CLPX: variants seen among roughly 807,000 people sequenced by gnomAD.
The protein encoded by CLPX is caseinolytic mitochondrial matrix peptidase chaperone subunit X.
Under a neutral mutation model 76.4 loss-of-function variants are expected in CLPX, and 34 were observed. The ratio of observed to expected loss-of-function variants is 0.45; its 90% CI spans 0.34 to 0.59. The LOEUF is 0.59. CLPX is among the 20% of genes least tolerant of loss of function. CLPX has a pLI of 0.01. For missense variants in CLPX, 613 were observed against 757.0 expected (o/e 0.81, Z 2.23); for synonymous variants, 248 against 270.9 (o/e 0.92, Z 0.83).
intron 3 of CLPX, among the ~76,000 whole-genome samples, chr15:65,176,077 C>T (rs750220744): frequency 1.6e-4 from 25 of 152,194 alleles, no homozygotes; most frequent in Non-Finnish European, 2.9e-4. Context: ...TCACCACCCA[C>T]AATTAGAATT....
chr15:65,181,017 G>A lies in CLPX; in HGVS notation c.80-813C>T, dbSNP rs146261842. 5.7e-3 allele frequency among the ~76,000 whole-genome samples: 869 copies of A among 151,896 alleles called. 5 individuals carry two copies. Among genetic ancestry groups the A allele is most frequent in the Middle Eastern group, 0.014 (4 of 294 alleles). ...GGTTCGAGACCAGCCTGGCCAACGT[G>A]GTGAAACCCTGTCTCTACTAAAAAT... On this transcript the variant is annotated intron_variant, in intron 1 of 13. Coordinates refer to ENST00000300107, the MANE Select transcript of CLPX (RefSeq NM_006660.5).
chr15:65,152,810 T>C (rs2087739949), intron 12 of CLPX, among the ~76,000 whole-genome samples: 1 of 151,828 alleles, frequency 6.6e-6, no homozygotes, highest in African/African-American at 2.4e-5. Context: ...TTGTCCAGGC[T>C]GGTCTTGAAC....
rs2088145127 is a variant in CLPX, at chr15:65,180,129, G to A, written c.155C>T (p.Ala52Val). The change falls in exon 2 of 14, where the codon GCT (alanine) becomes GTT (valine). Residue 52 changes from alanine (A) to valine (V), a missense_variant. Around this residue, in one of 2 missense-constraint regions of CLPX, gnomAD observed 163 missense variants for 118.4 expected, o/e 1.38. Coordinates refer to ENST00000300107, the MANE Select transcript of CLPX (RefSeq NM_006660.5). ...GTFETQILQRAPLRSFTETPA... is the reference protein window; with the variant it reads ...GTFETQILQRVPLRSFTETPA... ...TGTTTCTGTAAAGGATCTAAGAGGA[G>A]CTCTTTGCAGAATCTGAGTTTCAAA... 1 of 1,611,944 alleles carries A rather than the reference G, an allele frequency of 6.2e-7. No individual in the cohort carries two copies. The highest frequency in any genetic ancestry group is 8.5e-7 in the Non-Finnish European group (1 of 1,178,564).
At chr15:65,181,953 C>T (rs907308922) in intron 1 of CLPX, among the ~76,000 whole-genome samples, 1 of 151,232 alleles carries the variant, frequency 6.6e-6, no homozygotes, top group African/African-American at 2.4e-5. Flanking sequence ...GCAACCCCAT[C>T]TCTACTAAAA....
Position 65,185,099 on chromosome 15 carries a change from A to T in CLPX, c.55T>A (p.Ser19Thr). The T allele has an allele frequency of 6.4e-7, 1 of 1,573,990 alleles. No individual in the cohort carries two copies. The highest frequency in any genetic ancestry group is 1.2e-5 in the South Asian group (1 of 86,232). ...CCTCTCTGCGCGGAGGCGAGTGAGG[A>T]GGTGATGAGCCGGACGGCCGCCGCG... Reference protein sequence around the residue: ...CGAAAVRLITSSLASAQRGIS... With the variant: ...CGAAAVRLITTSLASAQRGIS... Residue 19 changes from serine to threonine, a missense_variant, in exon 1 of 14, where the codon TCC (serine) becomes ACC (threonine). Ser to Thr is a moderately conservative substitution (Grantham distance 58). Coordinates refer to ENST00000300107, the MANE Select transcript of CLPX (RefSeq NM_006660.5).
At position 65,164,020 on chromosome 15, in the gene CLPX, A is replaced by G. The variant is rs2087881148; in HGVS notation, c.673+9T>C. On this transcript the variant is annotated intron_variant, in intron 5 of 13. Transcript: ENST00000300107. ...AATCTCTATTTAGGTCAATTATCAA[A>G]AACGCTACCTCTTGGTGTTAATGAT... 1 of 1,611,506 alleles carries G rather than the reference A, an allele frequency of 6.2e-7. No homozygotes were observed. The highest frequency in any genetic ancestry group is 8.5e-7 in the Non-Finnish European group (1 of 1,178,738).
chr15:65,149,658 C>A lies in CLPX; in HGVS notation c.*1165G>T. Reference sequence around the variant, plus strand: ...CAGCAGATCACAAGGTCAGGAGTTACAGACTAGCCTGGCCAACAGGGTGAA... The same window carrying A: ...CAGCAGATCACAAGGTCAGGAGTTAAAGACTAGCCTGGCCAACAGGGTGAA... On this transcript the variant is annotated 3_prime_UTR_variant, in exon 14 of 14. Transcript: ENST00000300107. 2 of 394,954 alleles carry A rather than the reference C, an allele frequency of 5.1e-6. No individual in the cohort carries two copies. Among genetic ancestry groups the A allele is most frequent in the Non-Finnish European group, 9.8e-6 (2 of 204,196 alleles). 24.5% of individuals were successfully genotyped at this position (394,954 alleles called of 1,614,324 possible).
At chr15:65,165,511 G>A (rs1264218275) in intron 4 of CLPX, among the ~76,000 whole-genome samples, 1 of 150,670 alleles carries the variant, frequency 6.6e-6, no homozygotes, top group African/African-American at 2.4e-5. Flanking sequence ...AGCCTCCCGA[G>A]TAGCCAGGAC....
intron 6 of CLPX, among the ~76,000 whole-genome samples, chr15:65,159,267 T>A (rs2087825247): frequency 6.6e-6 from 1 of 152,240 alleles, no homozygotes; most frequent in African/African-American, 2.4e-5. Context: ...ATTAGAGACA[T>A]AACACTTAAC....
chr15:65,171,953 T>G (rs1026542271), intron 3 of CLPX, among the ~76,000 whole-genome samples: 1 of 152,174 alleles, frequency 6.6e-6, no homozygotes, highest in Non-Finnish European at 1.5e-5. Flanking sequence ...ATCAAAATGC[T>G]ATTTTGGGAA....
chr15:65,149,657 A>C lies in CLPX; in HGVS notation c.*1166T>G. 7.4e-6 allele frequency: 3 copies of C among 404,820 alleles called. No homozygotes were observed. Among genetic ancestry groups the C allele is most frequent in the South Asian group, 1.8e-5 (1 of 54,904 alleles). The allele number at this position is 404,820 out of a possible 1,614,324, so 25.1% of individuals were successfully genotyped here. On this transcript the variant is annotated 3_prime_UTR_variant, in exon 14 of 14. Coordinates refer to ENST00000300107, the MANE Select transcript of CLPX (RefSeq NM_006660.5). ...CCAGCAGATCACAAGGTCAGGAGTTACAGACTAGCCTGGCCAACAGGGTGA... is the reference window on the plus strand; with the variant it reads ...CCAGCAGATCACAAGGTCAGGAGTTCCAGACTAGCCTGGCCAACAGGGTGA...
intron 8 of CLPX, among the ~76,000 whole-genome samples, chr15:65,157,344 A>C (rs893340499): frequency 2.6e-5 from 4 of 152,196 alleles, no homozygotes; most frequent in African/African-American, 9.6e-5. Flanking sequence ...ACAGATGATA[A>C]ATGAAGGAGC....
intron 6 of CLPX, among the ~76,000 whole-genome samples, chr15:65,159,815 T>C (rs1286335349): frequency 2.0e-5 from 3 of 151,468 alleles, no homozygotes; most frequent in Non-Finnish European, 2.9e-5. Flanking sequence ...TCTTTTCTTT[T>C]TTTTTTTTTT....
rs942800148 is a variant in CLPX, at chr15:65,150,937, T to C, written c.1812-24A>G. The C allele has an allele frequency of 7.2e-6, 11 of 1,527,948 alleles. No homozygotes were observed. The African/African-American group carries it at 1.2e-4, about 17-fold the overall frequency. The allele number at this position is 1,527,948 out of a possible 1,614,324, so 94.6% of individuals were successfully genotyped here. A position where few individuals can be genotyped will look rare whatever the true frequency, so the allele number is the denominator to read the frequency against. On this transcript the variant is annotated intron_variant, in intron 13 of 13. Transcript: ENST00000300107. ...CCCTACAATGAAAAGCCATGTTTGTTTTTTTAAAATAAAAAATGGAGGTAA... is the reference window on the plus strand; with the variant it reads ...CCCTACAATGAAAAGCCATGTTTGTCTTTTTAAAATAAAAAATGGAGGTAA...
rs201623357 is a variant in CLPX, at chr15:65,150,811, C to T, written c.*12G>A. ...AGGAAAAGCTGTATATACAAGACAG[C>T]AATATGACAGTTTAGCTGTTTGCAG... On this transcript the variant is annotated 3_prime_UTR_variant, in exon 14 of 14. Coordinates refer to ENST00000300107, the MANE Select transcript of CLPX (RefSeq NM_006660.5). 1.1e-5 allele frequency: 17 copies of T among 1,591,618 alleles called. No homozygotes were observed. In the Middle Eastern group the frequency reaches 5.0e-4, roughly 47 times the overall value.
At chr15:65,185,007 C>T in intron 1 of CLPX, 68 bp downstream of exon 1, 1 of 1,423,936 alleles carries the variant, frequency 7.0e-7, no homozygotes, top group Non-Finnish European at 9.7e-7. Flanking sequence ...CCCCGGGGCC[C>T]CCAACCATTG....
chr15:65,180,143 C>T lies in CLPX; in HGVS notation c.141G>A (p.Gln47=). The change falls in exon 2 of 14, where the codon CAG becomes CAA. Residue 47 remains glutamine, a synonymous_variant. Coordinates refer to ENST00000300107, the MANE Select transcript of CLPX (RefSeq NM_006660.5). ...ATCTAAGAGGAGCTCTTTGCAGAATCTGAGTTTCAAATGTCCCAAGCCTTC... is the reference window on the plus strand; with the variant it reads ...ATCTAAGAGGAGCTCTTTGCAGAATTTGAGTTTCAAATGTCCCAAGCCTTC... ...VLGRLGTFET[Q]ILQRAPLRSF... is the part of the protein sequence containing the mutation. 1 of 1,612,544 alleles carries T rather than the reference C, an allele frequency of 6.2e-7. No individual in the cohort carries two copies. The highest frequency in any genetic ancestry group is 8.5e-7 in the Non-Finnish European group (1 of 1,179,124).
At chr15:65,154,575 G>A in intron 11 of CLPX, 1 of 520,978 alleles carries the variant, frequency 1.9e-6, no homozygotes, top group East Asian at 3.2e-5. Flanking sequence ...AGGCTATAAT[G>A]ATGGTTTTAA....
In CLPX at chr15:65,185,160, G is replaced by A; in HGVS notation, c.-7C>T. The A allele has an allele frequency of 6.4e-7, 1 of 1,560,626 alleles. No individual in the cohort carries two copies. The highest frequency in any genetic ancestry group is 8.7e-7 in the Non-Finnish European group (1 of 1,152,032). On this transcript the variant is annotated 5_prime_UTR_variant, in exon 1 of 14. Coordinates refer to ENST00000300107, the MANE Select transcript of CLPX (RefSeq NM_006660.5). ...AAGCACCGCAGCTGGGCATCTCCGC[G>A]AGGCCTAGGCCGGGGCTTCGCCCCC...
Sources: gnomAD v4.1 joint callset for allele counts (sites outside exome capture counted in the v4.1 genomes callset) on GRCh38, gnomAD v4.1.1 for gene constraint, gnomAD v4.1.1 regional missense constraint, MANE v1.5 for transcripts, NCBI Gene and HGNC (gene_info 2026-07-23, HGNC 2026-07-21) for gene names.